The following FANCD2 variants were observed in gnomAD, a reference collection of about 807,000 sequenced individuals.
The protein encoded by FANCD2 is FA complementation group D2.
FANCD2 carries 131 observed loss-of-function variants against 192.3 expected under a neutral mutation model. The observed-to-expected ratio is 0.68, with a 90% CI of 0.59 to 0.79. FANCD2 has a LOEUF of 0.79. Ranked by LOEUF, FANCD2 falls within the 30% of genes least tolerant of loss-of-function variation. The pLI is 0.00. For missense variants in FANCD2, 1,508 were observed against 1,701.6 expected (o/e 0.89, Z 2.00); for synonymous variants, 524 against 612.5 (o/e 0.86, Z 2.13).
At chr3:10,076,587 G>A (rs550171751) in intron 29 of FANCD2, among the ~76,000 whole-genome samples, 129 of 152,126 alleles carry the variant, frequency 8.5e-4, no homozygotes, top group African/African-American at 2.9e-3. Flanking sequence ...CTGTCACCCA[G>A]GCTGAAGTGC....
intron 18 of FANCD2, among the ~76,000 whole-genome samples, chr3:10,056,483 A>G (rs2087416444): frequency 6.6e-6 from 1 of 151,950 alleles, no homozygotes. Context: ...GCCAACATGT[A>G]TTTTCCTTTC....
At chr3:10,058,022 G>T in intron 18 of FANCD2, 1 of 457,016 alleles carries the variant, frequency 2.2e-6, no homozygotes, top group Non-Finnish European at 4.2e-6. Context: ...TGCCCTTTCT[G>T]CCTTCTTAAT....
chr3:10,056,941 A>T (rs1471313839), intron 18 of FANCD2, among the ~76,000 whole-genome samples: 1 of 151,640 alleles, frequency 6.6e-6, no homozygotes, highest in African/African-American at 2.4e-5. Flanking sequence ...TGCAACCTCC[A>T]CCTCCCAGGC....
chr3:10,031,899 T>C (rs2086611815), intron 2 of FANCD2, among the ~76,000 whole-genome samples: 1 of 151,892 alleles, frequency 6.6e-6, no homozygotes, highest in South Asian at 2.1e-4. Flanking sequence ...CAGGCAGGAG[T>C]GAAGTGGCGC....
intron 33 of FANCD2, among the ~76,000 whole-genome samples, chr3:10,086,882 C>T (rs917760345): frequency 1.3e-5 from 2 of 152,160 alleles, no homozygotes; most frequent in Non-Finnish European, 2.9e-5. Context: ...TTGGGTTTCT[C>T]AGCATACATG....
At chr3:10,027,430 G>A (rs1390473795) in intron 1 of FANCD2, among the ~76,000 whole-genome samples, 1 of 152,186 alleles carries the variant, frequency 6.6e-6, no homozygotes, top group East Asian at 1.9e-4. Context: ...CTGAGACCAC[G>A]AAGGTTCTGA....
intron 43 of FANCD2, among the ~76,000 whole-genome samples, chr3:10,100,899 G>A (rs570355194): frequency 6.6e-5 from 10 of 151,972 alleles, no homozygotes; most frequent in African/African-American, 2.2e-4. Context: ...GAGAAACCCC[G>A]TCTCTACCAA....
At chr3:10,064,484 G>C in intron 22 of FANCD2, 55 bp downstream of exon 22, 1 of 1,484,324 alleles carries the variant, frequency 6.7e-7, no homozygotes, top group Non-Finnish European at 9.4e-7. Flanking sequence ...CATCAATTCT[G>C]TCAGTAGCTG....
intron 38 of FANCD2, 94 bp downstream of exon 38, chr3:10,092,346 A>G: frequency 1.1e-6 from 1 of 946,626 alleles, no homozygotes; most frequent in South Asian, 1.3e-5. Context: ...TCCTCTTCCC[A>G]CTCTTCCTTG....
At chr3:10,034,248 C>T (rs1006862965) in intron 3 of FANCD2, among the ~76,000 whole-genome samples, 18 of 147,724 alleles carry the variant, frequency 1.2e-4, no homozygotes, top group African/African-American at 4.6e-4. Context: ...TCATTTGAAC[C>T]CAGGAGGCGG....
At position 10,067,241 on chromosome 3, in the gene FANCD2, T is replaced by G. The variant is rs61751577; in HGVS notation, c.2418T>G (p.Pro806=). The G allele has an allele frequency of 1.0e-4, 165 of 1,613,242 alleles. No homozygotes were observed. Among genetic ancestry groups the G allele is most frequent in the Admixed American group, 3.0e-4 (18 of 59,996 alleles). Residue 806 remains proline (P), a synonymous_variant, in exon 26 of 44, where the codon CCT becomes CCG. Transcript: ENST00000675286. ...ATGCCTTCTGCCAGGAAACATCACC[T>G]GAGATGAAGGGGAAGGTGCTCACTC... ...IVNAFCQETS[P]EMKGKVLTRL... is the part of the protein sequence containing the mutation.
chr3:10,065,167 T>C (rs1436739184), intron 23 of FANCD2, among the ~76,000 whole-genome samples: 1 of 152,166 alleles, frequency 6.6e-6, no homozygotes, highest in Non-Finnish European at 1.5e-5. Context: ...CATGCACCTA[T>C]AATCCCAGCT....
intron 36 of FANCD2, among the ~76,000 whole-genome samples, 189 bp from the exon 37 acceptor site, chr3:10,090,103 T>A (rs779920070): frequency 1.3e-5 from 2 of 152,206 alleles, no homozygotes; most frequent in African/African-American, 4.8e-5. Context: ...GTTAATTCCA[T>A]TGTTTGACAG....
chr3:10,054,632 C>T (rs1216392417), intron 18 of FANCD2, among the ~76,000 whole-genome samples: 13 of 146,988 alleles, frequency 8.8e-5, no homozygotes, highest in African/African-American at 3.0e-4. Context: ...TACAGGCGCC[C>T]GCCACCACGC....
At chr3:10,050,486 C>T (rs781102924) in intron 17 of FANCD2, among the ~76,000 whole-genome samples, 5 of 151,654 alleles carry the variant, frequency 3.3e-5, no homozygotes, top group Non-Finnish European at 5.9e-5. Context: ...AGCCGGGCAT[C>T]GTGGCGGTCG....
intron 18 of FANCD2, among the ~76,000 whole-genome samples, chr3:10,053,254 C>T (rs935672058): frequency 1.3e-5 from 2 of 151,318 alleles, no homozygotes; most frequent in African/African-American, 4.9e-5. Flanking sequence ...TGGAAATCAT[C>T]ATTCTCAGTA....
In FANCD2 at chr3:10,028,558, A is replaced by T. The variant is rs2086513967; in HGVS notation, c.-33-67A>T. ...TTTTGGATAGAGCAGTTTTCTTTGA[A>T]CAATAGCTTTAACTTCTCAGAATTT... On this transcript the variant is annotated intron_variant, in intron 1 of 43. Coordinates refer to ENST00000675286, the MANE Select transcript of FANCD2 (RefSeq NM_001018115.3). The T allele has an allele frequency of 4.6e-6, 5 of 1,080,682 alleles. No homozygotes were observed. In the Admixed American group the frequency reaches 7.3e-5, roughly 16 times the overall value. 66.9% of individuals were successfully genotyped at this position (1,080,682 alleles called of 1,614,324 possible). A position where few individuals can be genotyped will look rare whatever the true frequency, so the allele number is the denominator to read the frequency against.
At chr3:10,034,839 G>A in intron 5 of FANCD2, 41 bp downstream of exon 5, 1 of 1,443,268 alleles carries the variant, frequency 6.9e-7, no homozygotes, top group Non-Finnish European at 9.5e-7. Context: ...AATTCAGTCT[G>A]TTTTGCCAAC....
chr3:10,032,496 G>A (rs1423551007), intron 2 of FANCD2: 5 of 293,200 alleles, frequency 1.7e-5, no homozygotes, highest in South Asian at 3.0e-5. Flanking sequence ...AGATGGGGGG[G>A]TGGTCTCACT....
Sources: gnomAD v4.1 joint callset for allele counts (sites outside exome capture counted in the v4.1 genomes callset) on GRCh38, gnomAD v4.1.1 for gene constraint, MANE v1.5 for transcripts, NCBI Gene and HGNC (gene_info 2026-07-23, HGNC 2026-07-21) for gene names.